METTL25B: variants seen among roughly 807,000 people sequenced by gnomAD.
METTL25B encodes methyltransferase-like protein 25B.
A neutral mutation model predicts 48.4 loss-of-function variants in METTL25B; 38 were observed. That is an observed-to-expected ratio of 0.78 (90% CI 0.61 to 1.03). The LOEUF is 1.03. METTL25B is among the 50% of genes least tolerant of loss of function. The pLI is 0.00. For missense variants in METTL25B, 537 were observed against 603.7 expected (o/e 0.89, Z 1.16); for synonymous variants, 230 against 254.5 (o/e 0.90, Z 0.92).
rs938035080 is a variant in METTL25B, at chr1:156,728,862, A to G, written c.-243A>G. On this transcript the variant is annotated 5_prime_UTR_variant, in exon 1 of 8. Coordinates refer to ENST00000368216, the MANE Select transcript of METTL25B (RefSeq NM_015997.4). ...CGTCACTGCACTGTTACCCCGCCCT[A>G]CGTGTCTCTGACGCTGACACCTTCT... 7 of 679,854 alleles carry G rather than the reference A, an allele frequency of 1.0e-5. No homozygotes were observed. The African/African-American group carries it at 1.3e-4, about 13-fold the overall frequency. The allele number at this position is 679,854 out of a possible 1,614,324, so 42.1% of individuals were successfully genotyped here. A position where few individuals can be genotyped will look rare whatever the true frequency, so the allele number is the denominator to read the frequency against.
At position 156,734,373 on chromosome 1, in the gene METTL25B, C is replaced by G. The variant is rs763214853; in HGVS notation, c.1001C>G (p.Pro334Arg). ...GCTGAGCGGCTACAGAAAGCTGGCC[C>G]TGGCCTTCGAACTCACTGCTACCGT... is the stretch of plus-strand genomic sequence containing the variant. ...EYAERLQKAG[P>R]GLRTHCYRAA... Residue 334 changes from proline to arginine, a missense_variant, in exon 6 of 8, where the codon CCT becomes CGT. By Grantham distance (103) the Pro-to-Arg change is moderately radical. Transcript: ENST00000368216. 1 of 1,613,900 alleles carries G rather than the reference C, an allele frequency of 6.2e-7. No individual in the cohort carries two copies. The highest frequency in any genetic ancestry group is 1.7e-5 in the Admixed American group (1 of 60,006).
At chr1:156,733,130 C>CGATA in intron 4 of METTL25B, 83 bp downstream of exon 4, 2 of 1,351,568 alleles carry the variant, frequency 1.5e-6, no homozygotes, top group Non-Finnish European at 2.1e-6. Context: ...GCCACAGGCC[C>CGATA]AGCGAGGCAG....
intron 7 of METTL25B, 24 bp downstream of exon 7, chr1:156,735,933 C>T (rs751821053): frequency 1.3e-6 from 2 of 1,598,572 alleles, no homozygotes; most frequent in Non-Finnish European, 1.7e-6. Context: ...ACAGCAGGGA[C>T]CCAAGGACTA....
In METTL25B at chr1:156,736,820, C is replaced by T. The variant is rs764705985; in HGVS notation, c.*67C>T. On this transcript the variant is annotated 3_prime_UTR_variant, in exon 8 of 8. Coordinates refer to ENST00000368216, the MANE Select transcript of METTL25B (RefSeq NM_015997.4). ...GCCCAGAGAGCACAGTGGCAGAGTA[C>T]ATCTCATCCAGAGAAACAGCATCCT... The T allele has an allele frequency of 4.7e-6, 7 of 1,495,606 alleles. No homozygotes were observed. The highest frequency in any genetic ancestry group is 5.4e-6 in the Non-Finnish European group (6 of 1,106,312). 92.6% of individuals were successfully genotyped at this position (1,495,606 alleles called of 1,614,324 possible).
chr1:156,731,413 C>T (rs576546001), intron 1 of METTL25B, among the ~76,000 whole-genome samples: 2 of 152,342 alleles, frequency 1.3e-5, no homozygotes, highest in African/African-American at 4.8e-5. Context: ...CGTGAGCCAC[C>T]ATGCCCGGCC....
Position 156,728,627 on chromosome 1 carries a change from T to TGGGGGC in METTL25B, c.-468_-463dup, listed in dbSNP as rs1037608431. On this transcript the variant is annotated 5_prime_UTR_variant, in exon 1 of 8. Coordinates refer to ENST00000368216, the MANE Select transcript of METTL25B (RefSeq NM_015997.4). ...GCGGCGGAGGAGGGGGCGGCGTGGGTGGGGGCGGGGGCGGGATGCGCTCCC... is the reference window on the plus strand; with the variant it reads ...GCGGCGGAGGAGGGGGCGGCGTGGGTGGGGGCGGGGGCGGGGGCGGGATGCGCTCCC... 1.1e-4 allele frequency: 28 copies of TGGGGGC among 259,112 alleles called. No individual in the cohort carries two copies. In the South Asian group the frequency reaches 1.5e-3, roughly 14 times the overall value. 16.1% of individuals were successfully genotyped at this position (259,112 alleles called of 1,614,324 possible).
chr1:156,732,179 G>T, intron 2 of METTL25B, 64 bp downstream of exon 2: 6 of 1,611,326 alleles, frequency 3.7e-6, no homozygotes, highest in Non-Finnish European at 5.1e-6. Flanking sequence ...TGAGCATATT[G>T]CTCAGAGAGT....
In METTL25B at chr1:156,734,514, G is replaced by A. The variant is rs114239921; in HGVS notation, c.1121+21G>A. The A allele has an allele frequency of 2.6e-6, 4 of 1,530,070 alleles. No homozygotes were observed. In the South Asian group the frequency reaches 3.7e-5, roughly 14 times the overall value. The allele number at this position is 1,530,070 out of a possible 1,614,324, so 94.8% of individuals were successfully genotyped here. On this transcript the variant is annotated intron_variant, in intron 6 of 7. Transcript: ENST00000368216. ...GAAGAGTGAGGTTGGGGGACGGGTG[G>A]GGGGCAGTGGAGAGGAGATTTCTTT...
intron 3 of METTL25B, 89 bp downstream of exon 3, chr1:156,732,562 A>AT: frequency 8.0e-7 from 1 of 1,244,112 alleles, no homozygotes; most frequent in Non-Finnish European, 1.1e-6. Flanking sequence ...TTTACCTCAC[A>AT]TGCAAGGCCA....
rs748359798 is a variant in METTL25B, at chr1:156,733,958, G to T, written c.637-51G>T. On this transcript the variant is annotated intron_variant, in intron 5 of 7. Transcript: ENST00000368216. ...CCTTCCTGTGGCCTGAGGTGGCCTGGGGACAGCAAACAGACTTCCCATCTG... is the reference window on the plus strand; with the variant it reads ...CCTTCCTGTGGCCTGAGGTGGCCTGTGGACAGCAAACAGACTTCCCATCTG... 15 of 1,545,862 alleles carry T rather than the reference G, an allele frequency of 9.7e-6. No homozygotes were observed. The South Asian group carries it at 1.6e-4, about 17-fold the overall frequency.
chr1:156,729,319 C>A lies in METTL25B; in HGVS notation c.111+104C>A, dbSNP rs1649027515. 24 of 684,062 alleles carry A rather than the reference C, an allele frequency of 3.5e-5. No homozygotes were observed. The South Asian group carries it at 3.9e-4, about 11-fold the overall frequency. The allele number at this position is 684,062 out of a possible 1,614,324, so 42.4% of individuals were successfully genotyped here. ...GAATTAGCCTCTGATCTCTTTCCTT[C>A]TATGAGTTTCAGTCTTTTTCTGTAC... On this transcript the variant is annotated intron_variant, in intron 1 of 7. Transcript: ENST00000368216.
chr1:156,729,176 C>T lies in METTL25B; in HGVS notation c.72C>T (p.Val24=), dbSNP rs1649005159. The change falls in exon 1 of 8, where the codon GTC becomes GTT. Residue 24 remains valine, a synonymous_variant. Coordinates refer to ENST00000368216, the MANE Select transcript of METTL25B (RefSeq NM_015997.4). ...RKQLAVNLTR[V]LALYRSILDA... ...AGCTAGCTGTTAACCTCACCCGTGT[C>T]CTGGCACTCTACCGTTCCATCTTGG... 5.0e-6 allele frequency: 8 copies of T among 1,612,108 alleles called. No individual in the cohort carries two copies. Among genetic ancestry groups the T allele is most frequent in the South Asian group, 4.4e-5 (4 of 90,918 alleles).
rs561651983 is a variant in METTL25B, at chr1:156,728,518, C to A, written c.-587C>A. The stretch of plus-strand genomic sequence containing the variant: ...AGGCAGGCGCGCGGGTTAGAACGCG[C>A]CAGAGGTCGGCGCGCGCACACCCGC... On this transcript the variant is annotated 5_prime_UTR_variant, in exon 1 of 8. Coordinates refer to ENST00000368216, the MANE Select transcript of METTL25B (RefSeq NM_015997.4). The A allele has an allele frequency of 1.0e-6, 1 of 985,526 alleles. No individual in the cohort carries two copies. Among genetic ancestry groups the A allele is most frequent in the Non-Finnish European group, 1.2e-6 (1 of 829,940 alleles). The allele number at this position is 985,526 out of a possible 1,614,324, so 61.0% of individuals were successfully genotyped here. A position where few individuals can be genotyped will look rare whatever the true frequency, so the allele number is the denominator to read the frequency against.
In METTL25B at chr1:156,734,034, C is replaced by A. The variant is rs1442835307; in HGVS notation, c.662C>A (p.Ser221Tyr). Residue 221 changes from serine (S) to tyrosine (Y), a missense_variant, in exon 6 of 8, where the codon TCC (serine) becomes TAC (tyrosine). Transcript: ENST00000368216. Reference protein sequence around the residue: ...PQVVQTSPRHSPHHVVRWVDP... With the variant: ...PQVVQTSPRHYPHHVVRWVDP... Reference sequence around the variant, plus strand: ...GTGGTCCAAACCAGCCCTCGTCACTCCCCACACCACGTGGTTAGGTGGGTA... The same window carrying A: ...GTGGTCCAAACCAGCCCTCGTCACTACCCACACCACGTGGTTAGGTGGGTA... 1 of 1,609,928 alleles carries A rather than the reference C, an allele frequency of 6.2e-7. No individual in the cohort carries two copies. The highest frequency in any genetic ancestry group is 1.3e-5 in the African/African-American group (1 of 74,988).
chr1:156,729,792 G>A (rs913810345), intron 1 of METTL25B, among the ~76,000 whole-genome samples: 2 of 152,110 alleles, frequency 1.3e-5, no homozygotes, highest in East Asian at 1.9e-4. Flanking sequence ...GTCCTAGTCC[G>A]GGTTTCCTCA....
intron 1 of METTL25B, among the ~76,000 whole-genome samples, chr1:156,729,975 T>C (rs1649124751): frequency 6.6e-6 from 1 of 152,256 alleles, no homozygotes; most frequent in African/African-American, 2.4e-5. Context: ...CTCTTGGCTC[T>C]GCCTTCGGAA....
In METTL25B at chr1:156,734,445, G is replaced by C. The variant is rs376719552; in HGVS notation, c.1073G>C (p.Arg358Pro). Residue 358 changes from arginine to proline, a missense_variant, in exon 6 of 8, where the codon CGG becomes CCG. Arg to Pro is a moderately radical substitution (Grantham distance 103, BLOSUM62 -2). Coordinates refer to ENST00000368216, the MANE Select transcript of METTL25B (RefSeq NM_015997.4). ...VIRRARPELRRPGVQGIPRVH... is the reference protein window; with the variant it reads ...VIRRARPELRPPGVQGIPRVH... ...CGACGGGCCCGGCCCGAGCTCCGTC[G>C]GCCAGGCGTGCAGGGTATCCCCAGG... 16 of 1,603,534 alleles carry C rather than the reference G, an allele frequency of 1.0e-5. No homozygotes were observed. In the South Asian group the frequency reaches 1.7e-4, roughly 17 times the overall value.
intron 1 of METTL25B, among the ~76,000 whole-genome samples, chr1:156,731,664 G>A (rs1649299459): frequency 6.6e-6 from 1 of 152,220 alleles, no homozygotes; most frequent in Non-Finnish European, 1.5e-5. Flanking sequence ...ATGCAGATGT[G>A]AAGATACCAT....
Position 156,733,284 on chromosome 1 carries a change from G to C in METTL25B, c.493-93G>C, listed in dbSNP as rs1454395536. Reference sequence around the variant, plus strand: ...AGGGTAAAATTTAAGCCTTCTGTGGGGCCTGGGACCCAGGTGTCCAGGTTA... The same window carrying C: ...AGGGTAAAATTTAAGCCTTCTGTGGCGCCTGGGACCCAGGTGTCCAGGTTA... On this transcript the variant is annotated intron_variant, in intron 4 of 7. Transcript: ENST00000368216. 2.0e-6 allele frequency: 3 copies of C among 1,484,124 alleles called. No individual in the cohort carries two copies. The East Asian group carries it at 6.8e-5, about 34-fold the overall frequency. The allele number at this position is 1,484,124 out of a possible 1,614,324, so 91.9% of individuals were successfully genotyped here.
Sources: gnomAD v4.1 joint callset for allele counts (sites outside exome capture counted in the v4.1 genomes callset) on GRCh38, gnomAD v4.1.1 for gene constraint, MANE v1.5 for transcripts, NCBI Gene and HGNC (gene_info 2026-07-23, HGNC 2026-07-21) for gene names.